Variants in SLC18B1 observed in about 807,000 individuals in gnomAD.
SLC18B1 encodes MFS-type transporter SLC18B1.
In SLC18B1, 62 loss-of-function variants were observed where a neutral mutation model predicts 53.9. The observed-to-expected ratio is 1.15, with a 90% CI of 0.94 to 1.42. The LOEUF (loss-of-function observed/expected upper bound fraction) is 1.42. Ranked by LOEUF, SLC18B1 falls within the 40% of genes most tolerant of loss-of-function variation. The probability of loss-of-function intolerance (pLI) is 0.00; values close to 1 mark genes in which losing one functional copy is unlikely to be tolerated. For missense variants in SLC18B1, 598 were observed against 547.3 expected (o/e 1.09, Z -0.93); for synonymous variants, 217 against 200.9 (o/e 1.08, Z -0.68).
At chr6:132,785,912 AAAAAG>A (rs1357416905) in intron 5 of SLC18B1, among the ~76,000 whole-genome samples, 1 of 151,084 alleles carries the variant, frequency 6.6e-6, no homozygotes, top group Admixed American at 6.6e-5. Flanking sequence ...AAAAAAAAAA[AAAAAG>A]AAAGAAAAAA....
At chr6:132,789,726 C>A (rs751683264) in intron 4 of SLC18B1, 38 bp downstream of exon 4, 1 of 1,380,316 alleles carries the variant, frequency 7.2e-7, no homozygotes, top group Non-Finnish European at 1.0e-6. Context: ...ATTACAAAAT[C>A]TGTTCAAGCT....
In SLC18B1 at chr6:132,783,980, A is replaced by G. The variant is rs752745454; in HGVS notation, c.611T>C (p.Val204Ala). Residue 204 changes from valine (V) to alanine (A), a missense_variant, in exon 6 of 14, where the codon GTC becomes GCC. Val to Ala is a moderately conservative substitution (Grantham distance 64). Coordinates refer to ENST00000275227, the MANE Select transcript of SLC18B1 (RefSeq NM_052831.3). ...ATTGAGTGGTACCATCAGCAAAACG[A>G]CGCATCCCAGAACAATAAAAGGCAC... is the stretch of plus-strand genomic sequence containing the variant. ...YEVPFIVLGC[V>A]VLLMVPLNMY... is the part of the protein sequence containing the mutation. 7 of 1,608,592 alleles carry G rather than the reference A, an allele frequency of 4.4e-6. No homozygotes were observed. In the East Asian group the frequency reaches 1.6e-4, roughly 36 times the overall value.
At chr6:132,780,565 G>GTTTTTTTTT (rs10537572) in intron 6 of SLC18B1, among the ~76,000 whole-genome samples, 2 of 75,902 alleles carry the variant, frequency 2.6e-5, no homozygotes, top group South Asian at 5.2e-4. Context: ...CGTGGTGTTA[G>GTTTTTTTTT]TTTTTTTTTT....
At chr6:132,780,944 A>G (rs949246715) in intron 6 of SLC18B1, among the ~76,000 whole-genome samples, 12 of 152,170 alleles carry the variant, frequency 7.9e-5, no homozygotes, top group African/African-American at 2.9e-4. Flanking sequence ...CAGAAACTGC[A>G]GGATGTAGTT....
At chr6:132,777,182 G>A (rs780578586) in intron 7 of SLC18B1, among the ~76,000 whole-genome samples, 1 of 151,978 alleles carries the variant, frequency 6.6e-6, no homozygotes, top group South Asian at 2.1e-4. Flanking sequence ...CAGAGGCTAC[G>A]GTGAGCCAAG....
chr6:132,794,167 G>A (rs1003409529), intron 2 of SLC18B1, among the ~76,000 whole-genome samples: 1 of 150,484 alleles, frequency 6.6e-6, no homozygotes, highest in Non-Finnish European at 1.5e-5. Flanking sequence ...GCAGTGGGGC[G>A]ATCTCGGCTC....
At chr6:132,771,337 A>G (rs1780969829) in intron 11 of SLC18B1, among the ~76,000 whole-genome samples, 1 of 152,194 alleles carries the variant, frequency 6.6e-6, no homozygotes, top group African/African-American at 2.4e-5. Flanking sequence ...TTTTGAAATT[A>G]TTACTGCTTC....
rs772503737 is a variant in SLC18B1 at position 132,797,053 on chromosome 6, T to C, written c.112A>G (p.Ile38Val). 5 of 1,614,050 alleles carry C rather than the reference T, an allele frequency of 3.1e-6. No individual in the cohort carries two copies. Among genetic ancestry groups the C allele is most frequent in the Non-Finnish European group, 3.4e-6 (4 of 1,179,996 alleles). ...CCTAAGTTCACCGAAGCTGCCGATA[T>C]CAGTACAAAAACCTGTTCTCTCGAA... ...WLSREQVFVL[I>V]SAASVNLGSM... Residue 38 changes from isoleucine to valine, a missense_variant, in exon 2 of 14, where the codon ATA becomes GTA. Coordinates refer to ENST00000275227, the MANE Select transcript of SLC18B1 (RefSeq NM_052831.3).
chr6:132,796,206 T>A (rs1189072066), intron 2 of SLC18B1, among the ~76,000 whole-genome samples: 1 of 149,316 alleles, frequency 6.7e-6, no homozygotes, highest in Non-Finnish European at 1.5e-5. Flanking sequence ...AAAAAAAAAA[T>A]TAGCTGGGCG....
At position 132,798,622 on chromosome 6, in the gene SLC18B1, A is replaced by G; in HGVS notation, c.-166T>C. ...ATCCGCCCGGCCCGGAGCTCCCCAA[A>G]GCCTTCCAGGACTCTGGGTCCCCGG... On this transcript the variant is annotated 5_prime_UTR_variant, in exon 1 of 14. Coordinates refer to ENST00000275227, the MANE Select transcript of SLC18B1 (RefSeq NM_052831.3). 1 of 626,106 alleles carries G rather than the reference A, an allele frequency of 1.6e-6. No homozygotes were observed. Among genetic ancestry groups the G allele is most frequent in the Non-Finnish European group, 2.4e-6 (1 of 417,234 alleles). The allele number at this position is 626,106 out of a possible 1,614,324, so 38.8% of individuals were successfully genotyped here. A position where few individuals can be genotyped will look rare whatever the true frequency, so the allele number is the denominator to read the frequency against.
intron 2 of SLC18B1, among the ~76,000 whole-genome samples, chr6:132,795,571 A>G (rs1049359783): frequency 3.3e-5 from 5 of 152,234 alleles, no homozygotes; most frequent in African/African-American, 4.8e-5. Context: ...CTTCTTTTGT[A>G]ACACACAGAA....
chr6:132,781,206 C>G (rs1781226443), intron 6 of SLC18B1, among the ~76,000 whole-genome samples: 1 of 151,984 alleles, frequency 6.6e-6, no homozygotes, highest in African/African-American at 2.4e-5. Flanking sequence ...GAAAAGTTGT[C>G]ATAATGAGAA....
Position 132,770,178 on chromosome 6 carries a change from TG to T in SLC18B1, c.*91del. On this transcript the variant is annotated 3_prime_UTR_variant, in exon 14 of 14. Transcript: ENST00000275227. Reference sequence around the variant, plus strand: ...CACTGGCACGGGGTCCACGGAGTTTTGCGCGTAAAATTTTAAAAACCCTTCC... The same window carrying T: ...CACTGGCACGGGGTCCACGGAGTTTTCGCGTAAAATTTTAAAAACCCTTCC... 1 of 1,052,056 alleles carries T rather than the reference TG, an allele frequency of 9.5e-7. No homozygotes were observed. The highest frequency in any genetic ancestry group is 2.4e-5 in the East Asian group (1 of 41,780). 65.2% of individuals were successfully genotyped at this position (1,052,056 alleles called of 1,614,324 possible). A position where few individuals can be genotyped will look rare whatever the true frequency, so the allele number is the denominator to read the frequency against.
chr6:132,792,893 T>A (rs6928237), intron 2 of SLC18B1, among the ~76,000 whole-genome samples: 3,885 of 152,042 alleles, frequency 0.026, 63 homozygotes, highest in South Asian at 0.055. Context: ...CCAAGGCGAG[T>A]GGATCACCTG....
intron 6 of SLC18B1, among the ~76,000 whole-genome samples, chr6:132,779,640 G>C (rs1781179806): frequency 6.6e-6 from 1 of 152,174 alleles, no homozygotes; most frequent in Non-Finnish European, 1.5e-5. Flanking sequence ...ACTGGAATCA[G>C]AGTGTGAGGA....
intron 2 of SLC18B1, among the ~76,000 whole-genome samples, chr6:132,792,280 A>AAAGAAAGAAAGAAAGAAAGAAGG (rs1554223267): frequency 1.6e-4 from 7 of 42,698 alleles, no homozygotes; most frequent in African/African-American, 8.9e-4. Flanking sequence ...AGAAAGAAAG[A>AAAGAAAGAAAGAAAGAAAGAAGG]AAGGAAGAAA....
intron 3 of SLC18B1, 97 bp from the exon 4 acceptor site, chr6:132,789,934 G>T: frequency 1.2e-6 from 1 of 823,908 alleles, no homozygotes; most frequent in Non-Finnish European, 2.1e-6. Flanking sequence ...TAGGATAGGG[G>T]AAGACATGTA....
chr6:132,787,897 C>T (rs1781420386), intron 4 of SLC18B1, among the ~76,000 whole-genome samples: 1 of 152,072 alleles, frequency 6.6e-6, no homozygotes, highest in Non-Finnish European at 1.5e-5. Flanking sequence ...CGCAGTGGCT[C>T]ACGCCTGTAA....
chr6:132,779,143 G>A (rs1290018237), intron 7 of SLC18B1, 125 bp downstream of exon 7: 1 of 1,051,760 alleles, frequency 9.5e-7, no homozygotes. Context: ...CTACCTCGGT[G>A]TGTAGTGCCC....
Sources: gnomAD v4.1 joint callset for allele counts (sites outside exome capture counted in the v4.1 genomes callset) on GRCh38, gnomAD v4.1.1 for gene constraint, MANE v1.5 for transcripts, NCBI Gene and HGNC (gene_info 2026-07-23, HGNC 2026-07-21) for gene names.